Variants in PICALM observed in about 807,000 individuals in gnomAD.
The protein encoded by PICALM is phosphatidylinositol binding clathrin assembly protein, also known as phosphatidylinositol-binding clathrin assembly protein.
A neutral mutation model predicts 80.5 loss-of-function variants in PICALM; 40 were observed. The ratio of observed to expected loss-of-function variants is 0.50; its 90% CI spans 0.39 to 0.65. The LOEUF is 0.65. Among genes scored for constraint, PICALM ranks in the 30% least tolerant of loss-of-function variants. The pLI is 0.00. For synonymous variants in PICALM, 288 were observed against 260.3 expected, an observed-to-expected ratio of 1.11 and a Z score of -1.02; for missense variants, 676 against 778.9, an observed-to-expected ratio of 0.87 and a Z score of 1.57.
intron 1 of PICALM, among the ~76,000 whole-genome samples, chr11:86,044,834 A>G (rs1358307237): frequency 6.6e-6 from 1 of 152,168 alleles, no homozygotes; most frequent in Non-Finnish European, 1.5e-5. Flanking sequence ...TGCACTCCTT[A>G]TGAGAATCTA....
chr11:85,964,035 A>G (rs1048357787), intron 19 of PICALM, among the ~76,000 whole-genome samples: 1 of 151,914 alleles, frequency 6.6e-6, no homozygotes, highest in Non-Finnish European at 1.5e-5. Context: ...GGTTAAAAAA[A>G]GTCTATTGAT....
chr11:86,062,681 T>A (rs780591060), intron 1 of PICALM, among the ~76,000 whole-genome samples: 2 of 152,110 alleles, frequency 1.3e-5, no homozygotes, highest in Non-Finnish European at 2.9e-5. Context: ...ATCTAACAAA[T>A]CACAACTCTG....
In PICALM at chr11:85,965,821, T is replaced by TGG. The variant is rs2093870908; in HGVS notation, c.1945-6762_1945-6761insCC. On this transcript the variant is annotated intron_variant, in intron 19 of 19. Transcript: ENST00000393346. Reference sequence around the variant, plus strand: ...TTACCCATTTTGTTTTTTTGTTTTTTTTTTTTTTTTTTTTTTTGAGACAGA... The same window carrying TGG: ...TTACCCATTTTGTTTTTTTGTTTTTTGGTTTTTTTTTTTTTTTTTGAGACAGA... Among the ~76,000 whole-genome samples the TGG allele has an allele frequency of 3.4e-4, 37 of 108,662 alleles. 1 individual carries two copies. The highest frequency in any genetic ancestry group is 8.7e-4 in the African/African-American group (22 of 25,242). 71.3% of individuals were successfully genotyped at this position (108,662 alleles called of 152,430 possible).
Position 86,003,519 on chromosome 11 carries a change from T to C in PICALM, c.808-68A>G, listed in dbSNP as rs1315774403. ...ACTGGTCAAATTAAATCAAGTATCA[T>C]CTAATTAGAGAGCAACAAAAATAAA... On this transcript the variant is annotated intron_variant, in intron 8 of 19. Transcript: ENST00000393346. 5.2e-6 allele frequency: 5 copies of C among 969,176 alleles called. No homozygotes were observed. In the East Asian group the frequency reaches 1.0e-4, roughly 19 times the overall value. 60.0% of individuals were successfully genotyped at this position (969,176 alleles called of 1,614,324 possible).
intron 11 of PICALM, among the ~76,000 whole-genome samples, chr11:85,999,894 A>G (rs904312981): frequency 1.3e-5 from 2 of 152,244 alleles, no homozygotes; most frequent in Non-Finnish European, 2.9e-5. Flanking sequence ...TACTGAATCA[A>G]AACTCTAGGA....
Position 85,968,358 on chromosome 11 carries a change from C to T in PICALM, c.1944+6350G>A, listed in dbSNP as rs149396591. On this transcript the variant is annotated intron_variant, in intron 19 of 19. Coordinates refer to ENST00000393346, the MANE Select transcript of PICALM (RefSeq NM_007166.4). Reference sequence around the variant, plus strand: ...AACAGTTAATTTTAAAATTAAATGCCCAAAGGTAATACTCTGTATTTTTCA... The same window carrying T: ...AACAGTTAATTTTAAAATTAAATGCTCAAAGGTAATACTCTGTATTTTTCA... Among the ~76,000 whole-genome samples the T allele has an allele frequency of 4.9e-3, 739 of 151,906 alleles. 10 individuals are homozygous for T. Among genetic ancestry groups the T allele is most frequent in the Non-Finnish European group, 8.3e-3 (564 of 67,946 alleles).
Position 86,058,610 on chromosome 11 carries a change from T to C in PICALM, c.130+10041A>G, listed in dbSNP as rs545248726. Among the ~76,000 whole-genome samples, 5 of 152,320 alleles carry C rather than the reference T, an allele frequency of 3.3e-5. No homozygotes were observed. In the East Asian group the frequency reaches 9.6e-4, roughly 29 times the overall value. On this transcript the variant is annotated intron_variant, in intron 1 of 19. Coordinates refer to ENST00000393346, the MANE Select transcript of PICALM (RefSeq NM_007166.4). ...AACTTACTGATTAAGTAATCTAGAT[T>C]AAGTGATCCTATTTTTACCACCATT...
intron 1 of PICALM, among the ~76,000 whole-genome samples, chr11:86,038,841 T>C (rs961944484): frequency 1.2e-4 from 18 of 151,254 alleles, no homozygotes; most frequent in African/African-American, 4.4e-4. Flanking sequence ...CCAGGTGCAG[T>C]GGCTCATGCC....
chr11:85,992,962 C>T (rs1267954227), intron 12 of PICALM, among the ~76,000 whole-genome samples: 10 of 152,174 alleles, frequency 6.6e-5, no homozygotes, highest in Middle Eastern at 3.4e-3. Context: ...AGGTAATCTA[C>T]AAGATGTTAA....
intron 1 of PICALM, among the ~76,000 whole-genome samples, chr11:86,057,979 C>A (rs2096295955): frequency 1.3e-5 from 2 of 152,110 alleles, no homozygotes; most frequent in Admixed American, 6.5e-5. Context: ...TTTATCTTAG[C>A]TTTGGATTAG....
intron 1 of PICALM, among the ~76,000 whole-genome samples, chr11:86,058,288 G>A (rs1377416227): frequency 2.6e-5 from 4 of 152,230 alleles, no homozygotes; most frequent in East Asian, 1.9e-4. Flanking sequence ...TTATAATCAC[G>A]TGGGACCTAT....
At position 85,966,437 on chromosome 11, in the gene PICALM, C is replaced by T. The variant is rs544304960; in HGVS notation, c.1945-7377G>A. Among the ~76,000 whole-genome samples, 52 of 152,276 alleles carry T rather than the reference C, an allele frequency of 3.4e-4. 1 individual carries two copies. The highest frequency in any genetic ancestry group is 1.2e-3 in the African/African-American group (51 of 41,550). On this transcript the variant is annotated intron_variant, in intron 19 of 19. Transcript: ENST00000393346. Reference sequence around the variant, plus strand: ...GGAACAATTTCCAAAAACAGGGCAACCTTTAAATATTTTCTTAGTCAGTTT... The same window carrying T: ...GGAACAATTTCCAAAAACAGGGCAATCTTTAAATATTTTCTTAGTCAGTTT...
At chr11:86,060,735 CA>C (rs61642872) in intron 1 of PICALM, among the ~76,000 whole-genome samples, 221 of 132,722 alleles carry the variant, frequency 1.7e-3, no homozygotes, top group Middle Eastern at 3.7e-3. Flanking sequence ...TATCCACAGG[CA>C]AAAAAAAAAA....
intron 4 of PICALM, among the ~76,000 whole-genome samples, chr11:86,021,975 G>C (rs1262287608): frequency 2.0e-5 from 3 of 152,144 alleles, no homozygotes; most frequent in African/African-American, 7.2e-5. Context: ...CAAGCCCAGA[G>C]ACACAGAAAG....
At chr11:86,022,249 A>G in intron 4 of PICALM, 118 bp downstream of exon 4, 1 of 615,990 alleles carries the variant, frequency 1.6e-6, no homozygotes, top group South Asian at 2.0e-5. Context: ...TCATCAAAGA[A>G]AAATGAGGCT....
At chr11:86,022,687 G>T (rs1292151335) in intron 3 of PICALM, among the ~76,000 whole-genome samples, 1 of 151,566 alleles carries the variant, frequency 6.6e-6, no homozygotes, top group African/African-American at 2.4e-5. Flanking sequence ...TAAGTCCTAT[G>T]TAGTTTTAAA....
intron 9 of PICALM, 136 bp downstream of exon 9, chr11:86,003,230 G>A (rs2095193878): frequency 1.9e-6 from 1 of 516,390 alleles, no homozygotes; most frequent in Non-Finnish European, 3.6e-6. Flanking sequence ...CTATGAGGCT[G>A]ATATTATGAT....
chr11:85,999,495 T>C (rs1438778487), intron 11 of PICALM, among the ~76,000 whole-genome samples: 1 of 152,210 alleles, frequency 6.6e-6, no homozygotes, highest in African/African-American at 2.4e-5. Context: ...TGTTGAGAAC[T>C]TGCCCCTTAA....
chr11:86,064,326 G>C (rs2096412018), intron 1 of PICALM, among the ~76,000 whole-genome samples: 1 of 152,156 alleles, frequency 6.6e-6, no homozygotes, highest in Non-Finnish European at 1.5e-5. Context: ...TGGTTGAAAT[G>C]AAATGTCCCT....
Sources: gnomAD v4.1 joint callset for allele counts (sites outside exome capture counted in the v4.1 genomes callset) on GRCh38, gnomAD v4.1.1 for gene constraint, MANE v1.5 for transcripts, NCBI Gene and HGNC (gene_info 2026-07-23, HGNC 2026-07-21) for gene names.